Variants in TRPM4 observed in about 807,000 individuals in gnomAD.
TRPM4 encodes the protein calcium-activated non-selective cation channel 1.
TRPM4 carries 124 observed loss-of-function variants against 135.6 expected under a neutral mutation model. That is an observed-to-expected ratio of 0.91 (90% confidence interval 0.79 to 1.06). The LOEUF (loss-of-function observed/expected upper bound fraction) is 1.06. TRPM4 is among the 50% of genes least tolerant of loss of function. The pLI is 0.00. For synonymous variants in TRPM4, 745 were observed against 705.6 expected (o/e 1.06, Z -0.88); for missense variants, 1,658 against 1,671.4 (o/e 0.99, Z 0.14).
In TRPM4 at chr19:49,190,274, G is replaced by T. The variant is rs371404627; in HGVS notation, c.2086G>T (p.Ala696Ser). Residue 696 changes from alanine (A) to serine (S), a missense_variant, in exon 15 of 25, where the codon GCC (alanine) becomes TCC (serine). Physicochemically the swap from Ala to Ser is moderately conservative, Grantham distance 99. Around this residue, in one of 3 missense-constraint regions of TRPM4, gnomAD observed 1,412 missense variants for 1,408.7 expected, o/e 1.00. Coordinates refer to ENST00000252826, the MANE Select transcript of TRPM4 (RefSeq NM_017636.4). ...TACACCCATCTGGGCCCTGGTTCTC[G>T]CCTTCTTTTGCCCTCCACTCATCTA... Reference protein sequence around the residue: ...STTPIWALVLAFFCPPLIYTR... With the variant: ...STTPIWALVLSFFCPPLIYTR... The T allele has an allele frequency of 1.2e-6, 2 of 1,613,910 alleles. No individual in the cohort carries two copies. The highest frequency in any genetic ancestry group is 1.7e-6 in the Non-Finnish European group (2 of 1,179,944).
chr19:49,198,258 C>A (rs1968772597), intron 17 of TRPM4, among the ~76,000 whole-genome samples: 1 of 152,180 alleles, frequency 6.6e-6, no homozygotes, highest in Non-Finnish European at 1.5e-5. Flanking sequence ...GGGCTAAGGC[C>A]ATATGCTACC....
At chr19:49,162,978 T>C (rs1414707955) in intron 2 of TRPM4, among the ~76,000 whole-genome samples, 4 of 151,958 alleles carry the variant, frequency 2.6e-5, no homozygotes, top group African/African-American at 9.6e-5. Context: ...GCCAGGCTGG[T>C]CTCAAAGTCC....
rs762499228 is a variant in TRPM4, at chr19:49,188,963, T to C, written c.1891T>C (p.Tyr631His). 6.2e-7 allele frequency: 1 copy of C among 1,614,166 alleles called. No individual in the cohort carries two copies. Among genetic ancestry groups the C allele is most frequent in the South Asian group, 1.1e-5 (1 of 91,090 alleles). ...TGCCCCAGACCTCTTTGGCGAGTGC[T>C]ATCGCAGCAGTGAGGTGAGGGCTGC... ...GMGVDLFGECYRSSEVRAARL... is the reference protein window; with the variant it reads ...GMGVDLFGECHRSSEVRAARL... The change falls in exon 14 of 25, where the codon TAT becomes CAT. Residue 631 changes from tyrosine to histidine, a missense_variant. Physicochemically the swap from Tyr to His is moderately conservative, Grantham distance 83 (BLOSUM62 2). Transcript: ENST00000252826.
In TRPM4 at chr19:49,171,923, AATGGCCTCCT is replaced by A; in HGVS notation, c.1051-85_1051-76del. 2 of 1,378,212 alleles carry A rather than the reference AATGGCCTCCT, an allele frequency of 1.5e-6. No individual in the cohort carries two copies. The highest frequency in any genetic ancestry group is 2.1e-6 in the Non-Finnish European group (2 of 967,370). 85.4% of individuals were successfully genotyped at this position (1,378,212 alleles called of 1,614,324 possible). ...TATAGACTATTAGGTCCTGGAGGGG[AATGGCCTCCT>A]CCATCCCTTTGGACAGGGCCCAACA... On this transcript the variant is annotated intron_variant, in intron 8 of 24. Transcript: ENST00000252826. The surrounding 1 kb of genome is among the most constrained non-coding windows in gnomAD (Gnocchi z 4.7).
intron 20 of TRPM4, among the ~76,000 whole-genome samples, chr19:49,203,182 C>T (rs146363641): frequency 0.015 from 2,327 of 151,402 alleles, 32 homozygotes; most frequent in South Asian, 0.03. Context: ...TGAGCCACCG[C>T]GCCCCGCCTT....
chr19:49,163,202 T>A (rs866655260), intron 2 of TRPM4, among the ~76,000 whole-genome samples: 11,187 of 60,142 alleles, frequency 0.19, 568 homozygotes, highest in Non-Finnish European at 0.34. Flanking sequence ...ATTATTATTT[T>A]TTTTTTTTTT....
intron 17 of TRPM4, among the ~76,000 whole-genome samples, chr19:49,197,344 CTT>C (rs1405261954): frequency 0.013 from 1,488 of 116,560 alleles, 13 homozygotes; most frequent in South Asian, 0.018. Context: ...TTCTTTCTTT[CTT>C]TCTTTCTTTC....
chr19:49,190,615 A>T lies in TRPM4; in HGVS notation c.2133-81A>T, dbSNP rs1968375522. 6 of 1,417,600 alleles carry T rather than the reference A, an allele frequency of 4.2e-6. No individual in the cohort carries two copies. In the South Asian group the frequency reaches 7.0e-5, roughly 16 times the overall value. The allele number at this position is 1,417,600 out of a possible 1,614,324, so 87.8% of individuals were successfully genotyped here. A position where few individuals can be genotyped will look rare whatever the true frequency, so the allele number is the denominator to read the frequency against. ...TGTCCCTCTGCCATGTCTCCGGGTG[A>T]AGAAGTTTGAGTTTTGCTGGAGAAT... On this transcript the variant is annotated intron_variant, in intron 15 of 24. Transcript: ENST00000252826.
Position 49,157,844 on chromosome 19 carries a change from G to A in TRPM4, c.-23G>A. On this transcript the variant is annotated 5_prime_UTR_variant, in exon 1 of 25. Coordinates refer to ENST00000252826, the MANE Select transcript of TRPM4 (RefSeq NM_017636.4). ...GGAGCGCCGGGGCCCTGGGCTGCAGGAGGTTGCGGCGGCCGCGGCAGCATG... is the reference window on the plus strand; with the variant it reads ...GGAGCGCCGGGGCCCTGGGCTGCAGAAGGTTGCGGCGGCCGCGGCAGCATG... 1 of 1,534,686 alleles carries A rather than the reference G, an allele frequency of 6.5e-7. No individual in the cohort carries two copies. The highest frequency in any genetic ancestry group is 8.7e-7 in the Non-Finnish European group (1 of 1,146,240).
chr19:49,172,489 C>A (rs1292552680), intron 9 of TRPM4, among the ~76,000 whole-genome samples: 1 of 151,850 alleles, frequency 6.6e-6, no homozygotes, highest in Non-Finnish European at 1.5e-5. Context: ...TCCGCTCATT[C>A]CTCCATCCGT....
At chr19:49,204,468 C>T (rs1969070083) in intron 20 of TRPM4, among the ~76,000 whole-genome samples, 1 of 151,896 alleles carries the variant, frequency 6.6e-6, no homozygotes, top group Non-Finnish European at 1.5e-5. Flanking sequence ...GGTGTAGTGG[C>T]TCATGCCTGT....
intron 16 of TRPM4, among the ~76,000 whole-genome samples, chr19:49,194,789 G>A (rs1645380): frequency 0.037 from 5,009 of 133,636 alleles, 297 homozygotes; most frequent in African/African-American, 0.13. Context: ...CTGAGACAAG[G>A]TCTCACTCTG....
At position 49,210,471 on chromosome 19, in the gene TRPM4, AGGG is replaced by A; in HGVS notation, c.3328+69_3328+71del. On this transcript the variant is annotated intron_variant, in intron 21 of 24. Coordinates refer to ENST00000252826, the MANE Select transcript of TRPM4 (RefSeq NM_017636.4). The surrounding 1 kb of genome is among the most constrained non-coding windows in gnomAD (Gnocchi z 4.1). ...ACCGGGAGCCTGGAAGGCGAGGGGAAGGGGGCATGCCCCAAATGACTAACGGGC... is the reference window on the plus strand; with the variant it reads ...ACCGGGAGCCTGGAAGGCGAGGGGAAGGCATGCCCCAAATGACTAACGGGC... The A allele has an allele frequency of 6.4e-7, 1 of 1,569,732 alleles. No individual in the cohort carries two copies. The highest frequency in any genetic ancestry group is 2.2e-5 in the East Asian group (1 of 44,480).
chr19:49,200,805 G>T lies in TRPM4; in HGVS notation c.2953+20G>T, dbSNP rs1968901245. ...TGGACGGTAGGGGGGATGACGGCCTGACAGCCTTCCTCTGAGTCTCTGTCC... is the reference window on the plus strand; with the variant it reads ...TGGACGGTAGGGGGGATGACGGCCTTACAGCCTTCCTCTGAGTCTCTGTCC... On this transcript the variant is annotated intron_variant, in intron 19 of 24. Transcript: ENST00000252826. 1 of 1,613,026 alleles carries T rather than the reference G, an allele frequency of 6.2e-7. No homozygotes were observed. The highest frequency in any genetic ancestry group is 1.1e-5 in the South Asian group (1 of 90,966).
chr19:49,196,890 C>T lies in TRPM4; in HGVS notation c.2645+16C>T, dbSNP rs367554662. ...TGGGCTGCCGGTGAGTGCCCCGGGG[C>T]CTTGGAACCCTGGCCCCTGGCCACC... On this transcript the variant is annotated intron_variant, in intron 17 of 24. Transcript: ENST00000252826. 2 of 1,560,786 alleles carry T rather than the reference C, an allele frequency of 1.3e-6. No homozygotes were observed. The highest frequency in any genetic ancestry group is 1.2e-5 in the South Asian group (1 of 85,532).
rs1380232915 is a variant in TRPM4, at chr19:49,171,772, A to G, written c.1050+3A>G. Reference sequence around the variant, plus strand: ...ACCTTGAGGTCCTGCAGGCCCAGGTATGACACTGGGGGCCCAACTCTGGAT... The same window carrying G: ...ACCTTGAGGTCCTGCAGGCCCAGGTGTGACACTGGGGGCCCAACTCTGGAT... On this transcript the variant is annotated splice_donor_region_variant and intron_variant, in intron 8 of 24. Transcript: ENST00000252826. This position sits in a 1 kb window ranked among gnomAD's most constrained non-coding sequence, Gnocchi z 4.7. 3.7e-6 allele frequency: 6 copies of G among 1,608,142 alleles called. No individual in the cohort carries two copies. Among genetic ancestry groups the G allele is most frequent in the Non-Finnish European group, 5.1e-6 (6 of 1,179,376 alleles).
intron 4 of TRPM4, 62 bp from the exon 5 acceptor site, chr19:49,168,198 G>C: frequency 6.2e-7 from 1 of 1,607,862 alleles, no homozygotes; most frequent in Non-Finnish European, 8.5e-7. Context: ...GTGTGTGTGT[G>C]TCTCTGTCTT....
intron 20 of TRPM4, among the ~76,000 whole-genome samples, chr19:49,204,981 T>G (rs754098116): frequency 9.2e-5 from 13 of 141,200 alleles, no homozygotes; most frequent in Non-Finnish European, 1.6e-4. Flanking sequence ...TGGCTTTGGT[T>G]GTTTTTTTTT....
rs1469637530 is a variant in TRPM4 at position 49,197,302 on chromosome 19, C to CTT, written c.2645+430_2645+431dup. Among the ~76,000 whole-genome samples, 323 of 122,830 alleles carry CTT rather than the reference C, an allele frequency of 2.6e-3. 1 individual carries two copies. The highest frequency in any genetic ancestry group is 0.011 in the African/African-American group (312 of 27,140). The allele number at this position is 122,830 out of a possible 152,430, so 80.6% of individuals were successfully genotyped here. A position where few individuals can be genotyped will look rare whatever the true frequency, so the allele number is the denominator to read the frequency against. ...TTTTTTTCTTTCTTTCTTTCTCTTTCTTTCTTTTTCTTTCTTTCTTTCTTT... is the reference window on the plus strand; with the variant it reads ...TTTTTTTCTTTCTTTCTTTCTCTTTCTTTTTCTTTTTCTTTCTTTCTTTCTTT... On this transcript the variant is annotated intron_variant, in intron 17 of 24. Transcript: ENST00000252826.
Sources: gnomAD v4.1 joint callset for allele counts (sites outside exome capture counted in the v4.1 genomes callset) on GRCh38, gnomAD v4.1.1 for gene constraint, gnomAD v4.1.1 regional missense constraint, Gnocchi (gnomAD v3.1) non-coding constraint, MANE v1.5 for transcripts, NCBI Gene and HGNC (gene_info 2026-07-23, HGNC 2026-07-21) for gene names.